The following PDE10A variants were observed in gnomAD, a reference collection of about 807,000 sequenced individuals.
PDE10A encodes the protein phosphodiesterase 10A.
Under a neutral mutation model 97.7 loss-of-function variants are expected in PDE10A, and 39 were observed. The ratio of observed to expected loss-of-function variants is 0.40; its 90% CI spans 0.31 to 0.52. The LOEUF (loss-of-function observed/expected upper bound fraction) is 0.52. Among genes scored for constraint, PDE10A ranks in the 20% least tolerant of loss-of-function variants. The pLI, the probability that PDE10A is intolerant of heterozygous loss-of-function variation, is 0.56. For synonymous variants in PDE10A, 371 were observed against 376.8 expected, an observed-to-expected ratio of 0.98 and a Z score of 0.18; for missense variants, 731 against 1,047.8, an observed-to-expected ratio of 0.70 and a Z score of 4.17.
intron 1 of PDE10A, among the ~76,000 whole-genome samples, chr6:165,812,560 A>C (rs1779310152): frequency 6.6e-6 from 1 of 152,218 alleles, no homozygotes; most frequent in Non-Finnish European, 1.5e-5. Context: ...GAGCTATTTT[A>C]AGAATGGGTA....
Position 165,654,599 on chromosome 6 carries a change from G to A in PDE10A, c.865+7348C>T, listed in dbSNP as rs143647027. Among the ~76,000 whole-genome samples the A allele has an allele frequency of 3.3e-5, 5 of 152,200 alleles. No individual in the cohort carries two copies. The East Asian group carries it at 5.8e-4, about 18-fold the overall frequency. ...TCCTCTTTAAGGTTTGTTTCCACCC[G>A]ACTTCCTATTTCATCAAGCTCCTTT... is the stretch of plus-strand genomic sequence containing the variant. On this transcript the variant is annotated intron_variant, in intron 1 of 21. Transcript: ENST00000539869.
chr6:165,987,985 G>T (rs1008487625), upstream of PDE10A: 7 of 400,842 alleles, frequency 1.7e-5, no homozygotes, highest in Non-Finnish European at 3.5e-5. Context: ...GCGTGTGTGT[G>T]TGTGTGTGTG....
chr6:165,529,987 T>G (rs751878790), intron 2 of PDE10A, among the ~76,000 whole-genome samples: 17 of 152,090 alleles, frequency 1.1e-4, no homozygotes, highest in Non-Finnish European at 2.2e-4. Context: ...TTTGAGTTAG[T>G]AGGCTGGGGA....
At chr6:165,660,459 C>A (rs1790186589) in intron 1 of PDE10A, 1 of 152,366 alleles carries the variant, frequency 6.6e-6, no homozygotes, top group Non-Finnish European at 1.5e-5. Context: ...TAGCCGGAGC[C>A]CGCACGGGTG....
At chr6:165,926,451 T>C (rs1421227039) in intron 1 of PDE10A, among the ~76,000 whole-genome samples, 3 of 152,232 alleles carry the variant, frequency 2.0e-5, no homozygotes, top group Non-Finnish European at 4.4e-5. Flanking sequence ...GAGGCAAAAG[T>C]TCTATTTTAA....
At chr6:165,954,033 A>G (rs1011296248) in intron 1 of PDE10A, among the ~76,000 whole-genome samples, 4 of 152,082 alleles carry the variant, frequency 2.6e-5, no homozygotes, top group Non-Finnish European at 5.9e-5. Context: ...TGCTTCTTTC[A>G]CTAAGTAATG....
chr6:165,849,980 A>C (rs1780532054), intron 1 of PDE10A, among the ~76,000 whole-genome samples: 1 of 152,198 alleles, frequency 6.6e-6, no homozygotes, highest in East Asian at 1.9e-4. Context: ...AAAGTTTAAC[A>C]AAATCCATCA....
At chr6:165,432,000 C>G (rs1789609877) in intron 7 of PDE10A, among the ~76,000 whole-genome samples, 1 of 152,066 alleles carries the variant, frequency 6.6e-6, no homozygotes. Flanking sequence ...CACAAGCTAA[C>G]AAGTTCCTCA....
chr6:165,756,912 T>G (rs1793129755), intron 1 of PDE10A, among the ~76,000 whole-genome samples: 1 of 152,134 alleles, frequency 6.6e-6, no homozygotes, highest in African/African-American at 2.4e-5. Flanking sequence ...TTTCTTTTTT[T>G]GTGAACTGAA....
chr6:165,674,639 G>A (rs918820201), intron 1 of PDE10A, among the ~76,000 whole-genome samples: 2 of 152,172 alleles, frequency 1.3e-5, no homozygotes, highest in South Asian at 4.1e-4. Context: ...CTATTCCTAA[G>A]GGACTGGCCA....
At chr6:165,416,165 G>C (rs374138728) in intron 12 of PDE10A, 24 bp downstream of exon 12, 6 of 1,424,178 alleles carry the variant, frequency 4.2e-6, no homozygotes, top group Non-Finnish European at 5.0e-6. Flanking sequence ...AATCAATGGA[G>C]TGTCGACATC....
chr6:165,448,542 T>C (rs1487777368), intron 5 of PDE10A, among the ~76,000 whole-genome samples: 1 of 152,090 alleles, frequency 6.6e-6, no homozygotes, highest in Admixed American at 6.5e-5. Context: ...ACCCAGAAAA[T>C]GTTCAACTTT....
intron 1 of PDE10A, among the ~76,000 whole-genome samples, chr6:165,831,979 C>CAA (rs57824477): frequency 6.6e-6 from 1 of 151,726 alleles, no homozygotes; most frequent in African/African-American, 2.4e-5. Context: ...TGCAAACAAA[C>CAA]AAAAAAACCA....
intron 1 of PDE10A, among the ~76,000 whole-genome samples, chr6:165,859,202 G>A (rs1273951817): frequency 6.6e-6 from 1 of 152,150 alleles, no homozygotes; most frequent in Non-Finnish European, 1.5e-5. Context: ...TGAAACTCAC[G>A]CCAGGATGAA....
intron 1 of PDE10A, among the ~76,000 whole-genome samples, chr6:165,792,249 A>AGATG (rs1374042307): frequency 6.6e-6 from 1 of 152,212 alleles, no homozygotes; most frequent in African/African-American, 2.4e-5. Flanking sequence ...TTCACCCCTA[A>AGATG]GATGAGTCAC....
At chr6:165,557,132 C>T (rs1784297400) in intron 1 of PDE10A, among the ~76,000 whole-genome samples, 1 of 151,776 alleles carries the variant, frequency 6.6e-6, no homozygotes, top group Non-Finnish European at 1.5e-5. Context: ...GAGCAAAACT[C>T]CATGTCGAAA....
At chr6:165,454,846 G>A (rs1447442848) in intron 3 of PDE10A, among the ~76,000 whole-genome samples, 1 of 152,114 alleles carries the variant, frequency 6.6e-6, no homozygotes, top group Non-Finnish European at 1.5e-5. Flanking sequence ...AAAAGTTGTG[G>A]CTTAAATGAA....
intron 1 of PDE10A, among the ~76,000 whole-genome samples, chr6:165,839,859 G>C (rs1562762473): frequency 8.0e-5 from 1 of 12,520 alleles, no homozygotes; most frequent in Non-Finnish European, 1.6e-4. Context: ...CTCCATCCCT[G>C]TCTCCATTCC....
chr6:165,787,875 A>G (rs573011978), intron 1 of PDE10A, among the ~76,000 whole-genome samples: 10 of 152,346 alleles, frequency 6.6e-5, no homozygotes, highest in African/African-American at 1.9e-4. Flanking sequence ...ATCTGAAACC[A>G]TAGGAATAAA....
Sources: allele counts gnomAD v4.1 joint callset (sites outside exome capture counted in the v4.1 genomes callset), GRCh38; gene constraint gnomAD v4.1.1; transcripts MANE v1.5; gene names NCBI Gene and HGNC (gene_info 2026-07-23, HGNC 2026-07-21).